CCDC88A: variants seen among roughly 807,000 people sequenced by gnomAD.
CCDC88A encodes coiled-coil and HOOK domain protein 88A.
CCDC88A carries 54 observed loss-of-function variants against 234.3 expected under a neutral mutation model. That is an observed-to-expected ratio of 0.23 (90% confidence interval 0.19 to 0.29). The LOEUF is 0.29. Among genes scored for constraint, CCDC88A ranks in the 10% least tolerant of loss-of-function variants. The pLI, the probability that CCDC88A is intolerant of heterozygous loss-of-function variation, is 1.00. For missense variants in CCDC88A, 1,832 were observed against 2,123.4 expected, an observed-to-expected ratio of 0.86 and a Z score of 2.70; for synonymous variants, 753 against 737.8, an observed-to-expected ratio of 1.02 and a Z score of -0.33.
intron 21 of CCDC88A, among the ~76,000 whole-genome samples, 173 bp from the exon 22 acceptor site, chr2:55,316,287 T>A (rs1429691963): frequency 6.6e-6 from 1 of 152,214 alleles, no homozygotes; most frequent in Admixed American, 6.5e-5. Context: ...CTAGATTTTT[T>A]AAAATTCTGA....
At chr2:55,348,171 C>T (rs1192780642) in intron 9 of CCDC88A, among the ~76,000 whole-genome samples, 1 of 152,128 alleles carries the variant, frequency 6.6e-6, no homozygotes, top group African/African-American at 2.4e-5. Context: ...TGTCACGTTG[C>T]CCAGGCAGGT....
In CCDC88A at chr2:55,344,513, T is replaced by G; in HGVS notation, c.1043A>C (p.Glu348Ala). ...DIEFYKARVEELKEDNQVLLE... is the reference protein window; with the variant it reads ...DIEFYKARVEALKEDNQVLLE... ...TAAAACTTGATTGTCTTCTTTTAAT[T>G]CCTATAAATGTTTATCACAAATGTG... Residue 348 changes from glutamate to alanine, a missense_variant and splice_region_variant, in exon 11 of 33, where the codon GAA becomes GCA. Coordinates refer to ENST00000436346, the MANE Select transcript of CCDC88A (RefSeq NM_001365480.1). 6.7e-7 allele frequency: 1 copy of G among 1,503,430 alleles called. No individual in the cohort carries two copies. Among genetic ancestry groups the G allele is most frequent in the Non-Finnish European group, 9.1e-7 (1 of 1,103,470 alleles). The allele number at this position is 1,503,430 out of a possible 1,614,324, so 93.1% of individuals were successfully genotyped here.
At chr2:55,394,182 G>T (rs370867248) in intron 2 of CCDC88A, 1 of 152,138 alleles carries the variant, frequency 6.6e-6, no homozygotes, top group African/African-American at 2.4e-5. Context: ...TGCGGTGTTT[G>T]GTTTTTTGTC....
intron 18 of CCDC88A, among the ~76,000 whole-genome samples, chr2:55,321,297 A>G (rs1049413589): frequency 6.6e-6 from 1 of 152,116 alleles, no homozygotes; most frequent in Non-Finnish European, 1.5e-5. Flanking sequence ...TCATGCCTGT[A>G]ATCCCAGCAC....
rs532851348 is a variant in CCDC88A at position 55,419,272 on chromosome 2, G to C, written c.-193C>G. ...GTGAAACGAGCCGAAATCCCAAGAA[G>C]TGGCTTCGACGACGGACACCACGAG... On this transcript the variant is annotated 5_prime_UTR_variant, in exon 1 of 33. Transcript: ENST00000436346. 2.5e-5 allele frequency: 14 copies of C among 562,166 alleles called. No individual in the cohort carries two copies. The highest frequency in any genetic ancestry group is 1.5e-4 in the African/African-American group (8 of 53,092). The allele number at this position is 562,166 out of a possible 1,614,324, so 34.8% of individuals were successfully genotyped here.
intron 3 of CCDC88A, among the ~76,000 whole-genome samples, chr2:55,382,168 A>G (rs1037285144): frequency 6.6e-6 from 1 of 152,218 alleles, no homozygotes; most frequent in African/African-American, 2.4e-5. Flanking sequence ...ACTGAATTTT[A>G]TTAACACTCC....
rs1368126227 is a variant in CCDC88A, at chr2:55,400,593, GA to G, written c.165-11708del. Among the ~76,000 whole-genome samples the G allele has an allele frequency of 7.2e-5, 11 of 152,232 alleles. No homozygotes were observed. The South Asian group carries it at 2.1e-3, about 29-fold the overall frequency. On this transcript the variant is annotated intron_variant, in intron 2 of 32. Transcript: ENST00000436346. ...CTGTATATAAAAATTTGTAAATCAG[GA>G]AAAAAGATGAAGTTAAAGTTAGCAA...
At chr2:55,295,280 T>C (rs1371081580) in intron 31 of CCDC88A, 2 of 1,397,392 alleles carry the variant, frequency 1.4e-6, no homozygotes, top group Admixed American at 2.2e-5. Flanking sequence ...GGTCAGTTAT[T>C]CTGATAACTG....
rs1298906061 is a variant in CCDC88A, at chr2:55,295,687, T to C, written c.5461A>G (p.Ile1821Val). ...CTGTCCTTGGTCAAAAAATCATGGA[T>C]GCTTGTCCTTCGTGTAGTTCCTTCG... is the stretch of plus-strand genomic sequence containing the variant. ...TAEGTTRRTSIHDFLTKDSRL... is the reference protein window; with the variant it reads ...TAEGTTRRTSVHDFLTKDSRL... The change falls in exon 31 of 33, where the codon ATC becomes GTC. Residue 1821 changes from isoleucine to valine, a missense_variant. By Grantham distance (29) the Ile-to-Val change is conservative. Transcript: ENST00000436346. 1.9e-6 allele frequency: 3 copies of C among 1,614,098 alleles called. No homozygotes were observed. The African/African-American group carries it at 4.0e-5, about 22-fold the overall frequency.
At chr2:55,369,465 T>C (rs1008604224) in intron 5 of CCDC88A, among the ~76,000 whole-genome samples, 4 of 150,538 alleles carry the variant, frequency 2.7e-5, no homozygotes, top group African/African-American at 9.8e-5. Flanking sequence ...TTTTTTTTTT[T>C]TTTTGAGATG....
intron 5 of CCDC88A, among the ~76,000 whole-genome samples, chr2:55,366,209 T>C (rs1447455268): frequency 6.6e-6 from 1 of 152,146 alleles, no homozygotes; most frequent in African/African-American, 2.4e-5. Flanking sequence ...ACTAAGCCAG[T>C]AGATTACCAT....
At chr2:55,311,039 T>C (rs1184741366) in intron 23 of CCDC88A, among the ~76,000 whole-genome samples, 1 of 152,190 alleles carries the variant, frequency 6.6e-6, no homozygotes, top group Non-Finnish European at 1.5e-5. Context: ...GTCAACTATC[T>C]AGATACAAGC....
At chr2:55,378,218 T>C (rs1191582297) in intron 3 of CCDC88A, among the ~76,000 whole-genome samples, 2 of 152,216 alleles carry the variant, frequency 1.3e-5, no homozygotes, top group Non-Finnish European at 2.9e-5. Flanking sequence ...CCCCATGCTC[T>C]ACTGTTAATT....
chr2:55,344,566 T>C (rs368383266), intron 10 of CCDC88A, 52 bp from the exon 11 acceptor site: 20 of 1,062,500 alleles, frequency 1.9e-5, no homozygotes, highest in Admixed American at 3.0e-5. Context: ...TTTAAAGTTA[T>C]GGAACATACA....
chr2:55,365,923 T>C (rs1469442024), intron 5 of CCDC88A, among the ~76,000 whole-genome samples: 1 of 152,160 alleles, frequency 6.6e-6, no homozygotes, highest in Non-Finnish European at 1.5e-5. Context: ...CTAGTGCAAC[T>C]GGGAAACTGA....
At chr2:55,403,279 C>T (rs558023291) in intron 2 of CCDC88A, 2 of 152,290 alleles carry the variant, frequency 1.3e-5, no homozygotes, top group South Asian at 4.1e-4. Context: ...AACCTTGGAA[C>T]TCAAAAACCA....
At chr2:55,389,029 A>G (rs888682712) in intron 2 of CCDC88A, 143 bp from the exon 3 acceptor site, 1 of 286,888 alleles carries the variant, frequency 3.5e-6, no homozygotes, top group Non-Finnish European at 6.5e-6. Flanking sequence ...AAAAGGGCAG[A>G]TTATTACTTT....
chr2:55,326,423 G>A (rs368974184), intron 17 of CCDC88A, among the ~76,000 whole-genome samples: 11 of 151,938 alleles, frequency 7.2e-5, no homozygotes, highest in East Asian at 3.9e-4. Context: ...TATACTATTC[G>A]TATTTAACTT....
At chr2:55,379,921 A>G (rs1674307235) in intron 3 of CCDC88A, among the ~76,000 whole-genome samples, 1 of 151,714 alleles carries the variant, frequency 6.6e-6, no homozygotes, top group Non-Finnish European at 1.5e-5. Context: ...CTCTAAATAA[A>G]TAAATAAATA....
Sources: allele counts gnomAD v4.1 joint callset (sites outside exome capture counted in the v4.1 genomes callset), GRCh38; gene constraint gnomAD v4.1.1; transcripts MANE v1.5; gene names NCBI Gene and HGNC (gene_info 2026-07-23, HGNC 2026-07-21).